FAM13A: variants seen among roughly 807,000 people sequenced by gnomAD.
FAM13A encodes protein FAM13A.
FAM13A carries 76 observed loss-of-function variants against 129.6 expected under a neutral mutation model. The ratio of observed to expected loss-of-function variants is 0.59; its 90% confidence interval spans 0.49 to 0.71. The LOEUF (loss-of-function observed/expected upper bound fraction) is 0.71. FAM13A is among the 30% of genes least tolerant of loss of function. The pLI, the probability that FAM13A is intolerant of heterozygous loss-of-function variation, is 0.00. For synonymous variants in FAM13A, 443 were observed against 449.9 expected, an observed-to-expected ratio of 0.98 and a Z score of 0.20; for missense variants, 1,108 against 1,249.3, an observed-to-expected ratio of 0.89 and a Z score of 1.70.
intron 5 of FAM13A, among the ~76,000 whole-genome samples, chr4:88,925,635 T>C (rs1751999649): frequency 2.0e-5 from 3 of 151,732 alleles, no homozygotes; most frequent in South Asian, 2.1e-4. Context: ...ATGGCACATG[T>C]ATACATATGT....
intron 5 of FAM13A, among the ~76,000 whole-genome samples, chr4:88,924,977 G>T (rs1407953145): frequency 4.6e-5 from 7 of 151,206 alleles, no homozygotes; most frequent in African/African-American, 4.9e-5. Flanking sequence ...CTGGCCATCA[G>T]AGAAATGCAA....
chr4:88,934,388 G>A (rs146365306), intron 5 of FAM13A, among the ~76,000 whole-genome samples: 99 of 152,226 alleles, frequency 6.5e-4, no homozygotes, highest in African/African-American at 1.2e-3. Context: ...AGTAGGCACC[G>A]AATAATTATT....
chr4:88,987,176 C>T (rs1162114968), intron 4 of FAM13A, among the ~76,000 whole-genome samples: 1 of 152,066 alleles, frequency 6.6e-6, no homozygotes, highest in Non-Finnish European at 1.5e-5. Context: ...GTTGTTCATT[C>T]CCCACTGACA....
chr4:89,032,117 A>G (rs1219967346), intron 1 of FAM13A, among the ~76,000 whole-genome samples: 2 of 152,080 alleles, frequency 1.3e-5, no homozygotes, highest in African/African-American at 4.8e-5. Context: ...GGTGGTGGGC[A>G]CCTGTAGTCC....
At chr4:88,939,696 C>G (rs2464523) in intron 4 of FAM13A, among the ~76,000 whole-genome samples, 12 of 151,602 alleles carry the variant, frequency 7.9e-5, no homozygotes, top group Non-Finnish European at 1.6e-4. Context: ...ATGATTGTGT[C>G]ACAATGGATG....
At chr4:89,012,292 G>A (rs1325989544) in intron 3 of FAM13A, among the ~76,000 whole-genome samples, 1 of 152,170 alleles carries the variant, frequency 6.6e-6, no homozygotes, top group African/African-American at 2.4e-5. Flanking sequence ...ACACCAAGCT[G>A]AGATAATCAT....
At chr4:88,992,920 A>T (rs369325922) in intron 3 of FAM13A, among the ~76,000 whole-genome samples, 2,213 of 80,940 alleles carry the variant, frequency 0.027, 69 homozygotes, top group African/African-American at 0.1. Context: ...TAGCCAGTTA[A>T]GTGAAGAACA....
chr4:88,905,835 A>G (rs1284574731), intron 6 of FAM13A: 1 of 152,258 alleles, frequency 6.6e-6, no homozygotes, highest in African/African-American at 2.4e-5. Context: ...TTGGCTGAAT[A>G]CAACCATGGA....
intron 5 of FAM13A, among the ~76,000 whole-genome samples, chr4:88,909,880 C>A (rs1471666304): frequency 1.3e-5 from 2 of 152,228 alleles, no homozygotes; most frequent in South Asian, 4.2e-4. Context: ...AGATTGTATA[C>A]TTTATAAGAG....
At chr4:88,834,318 G>C (rs1318164443) in intron 7 of FAM13A, among the ~76,000 whole-genome samples, 2 of 151,454 alleles carry the variant, frequency 1.3e-5, no homozygotes, top group Non-Finnish European at 2.9e-5. Context: ...AGCATTATTA[G>C]AATTTGAAAC....
chr4:88,987,562 A>G (rs955314845), intron 4 of FAM13A, among the ~76,000 whole-genome samples: 6 of 152,102 alleles, frequency 3.9e-5, no homozygotes, highest in Admixed American at 6.5e-5. Flanking sequence ...TGGCCAAAAA[A>G]CTTAATCTGA....
chr4:88,931,703 T>C (rs865961075), intron 5 of FAM13A, among the ~76,000 whole-genome samples: 96 of 152,290 alleles, frequency 6.3e-4, no homozygotes, highest in African/African-American at 2.1e-3. Flanking sequence ...ATCATTTAAC[T>C]TTTTTTAACC....
intron 7 of FAM13A, among the ~76,000 whole-genome samples, chr4:88,836,522 TA>T (rs1377551191): frequency 6.6e-6 from 1 of 152,248 alleles, no homozygotes; most frequent in Non-Finnish European, 1.5e-5. Flanking sequence ...TCAAGCTTTC[TA>T]AAATATGGCA....
intron 7 of FAM13A, among the ~76,000 whole-genome samples, chr4:88,812,323 T>C (rs187571156): frequency 4.8e-4 from 73 of 152,308 alleles, no homozygotes; most frequent in African/African-American, 1.7e-3. Context: ...CCATTTCCAC[T>C]GTATTAGTCT....
intron 6 of FAM13A, among the ~76,000 whole-genome samples, chr4:88,869,158 C>T (rs986537565): frequency 1.8e-4 from 27 of 152,210 alleles, no homozygotes; most frequent in African/African-American, 6.5e-4. Flanking sequence ...TCCAGCCTTT[C>T]ATATATCATT....
At chr4:88,818,863 A>C (rs1419456874) in intron 7 of FAM13A, among the ~76,000 whole-genome samples, 1 of 152,198 alleles carries the variant, frequency 6.6e-6, no homozygotes, top group Non-Finnish European at 1.5e-5. Flanking sequence ...GCTCTCTAAC[A>C]CCACACAGAA....
In FAM13A at chr4:88,926,935, AGTG is replaced by A. The variant is rs549938334; in HGVS notation, c.759+11150_759+11152del. On this transcript the variant is annotated intron_variant, in intron 5 of 23. Coordinates refer to ENST00000264344, the MANE Select transcript of FAM13A (RefSeq NM_014883.4). ...TATTTCTTACATGCATATATTACAC[AGTG>A]GTGAAGTCTGGGCTTTTAGTGTGTG... Among the ~76,000 whole-genome samples, 525 of 152,264 alleles carry A rather than the reference AGTG, an allele frequency of 3.4e-3. 5 individuals are homozygous for A. Among genetic ancestry groups the A allele is most frequent in the African/African-American group, 0.012 (497 of 41,570 alleles).
At chr4:88,840,331 C>T (rs542932898) in intron 7 of FAM13A, among the ~76,000 whole-genome samples, 18 of 152,286 alleles carry the variant, frequency 1.2e-4, no homozygotes, top group African/African-American at 3.4e-4. Context: ...ACAGCAAGTA[C>T]ATACAATCCT....
intron 1 of FAM13A, among the ~76,000 whole-genome samples, chr4:89,035,383 A>G (rs1026329196): frequency 6.6e-6 from 1 of 151,950 alleles, no homozygotes; most frequent in Non-Finnish European, 1.5e-5. Flanking sequence ...TCTCAAAATC[A>G]CCTTATCACT....
Sources: gnomAD v4.1 joint callset for allele counts (sites outside exome capture counted in the v4.1 genomes callset) on GRCh38, gnomAD v4.1.1 for gene constraint, MANE v1.5 for transcripts, NCBI Gene and HGNC (gene_info 2026-07-23, HGNC 2026-07-21) for gene names.